The following RBFOX1 variants were observed in gnomAD, a reference collection of about 807,000 sequenced individuals.
RBFOX1 encodes the protein RNA binding protein fox-1 homolog 1.
Under a neutral mutation model 57.7 loss-of-function variants are expected in RBFOX1, and 8 were observed. That is an observed-to-expected ratio of 0.14 (90% CI 0.08 to 0.25). The LOEUF is 0.25. Among genes scored for constraint, RBFOX1 ranks in the 10% least tolerant of loss-of-function variants. The probability of loss-of-function intolerance (pLI) is 1.00; values close to 1 mark genes in which losing one functional copy is unlikely to be tolerated. For missense variants in RBFOX1, 611 were observed against 548.5 expected, an observed-to-expected ratio of 1.11 and a Z score of -1.14; for synonymous variants, 326 against 222.4, an observed-to-expected ratio of 1.47 and a Z score of -4.15.
chr16:6,629,440 A>G (rs1317558231), intron 2 of RBFOX1, among the ~76,000 whole-genome samples: 1 of 152,156 alleles, frequency 6.6e-6, no homozygotes, highest in Non-Finnish European at 1.5e-5. Flanking sequence ...TTTATGTTTT[A>G]TTTTTTAAGT....
intron 2 of RBFOX1, among the ~76,000 whole-genome samples, chr16:6,407,485 T>C (rs2093322771): frequency 6.6e-6 from 1 of 151,712 alleles, no homozygotes; most frequent in African/African-American, 2.4e-5. Context: ...CACACACATA[T>C]ATATAGAGAG....
chr16:5,346,579 G>A (rs2065144759), intron 1 of RBFOX1, among the ~76,000 whole-genome samples: 1 of 152,144 alleles, frequency 6.6e-6, no homozygotes, highest in Admixed American at 6.5e-5. Flanking sequence ...TTGGCTCTTG[G>A]ATTTGTCATT....
intron 3 of RBFOX1, among the ~76,000 whole-genome samples, chr16:6,842,057 G>T (rs554982979): frequency 6.6e-6 from 1 of 151,704 alleles, no homozygotes; most frequent in Admixed American, 6.6e-5. Flanking sequence ...GGAGGAGAAT[G>T]GCGTGAACCC....
chr16:5,558,194 A>G (rs1254255990), intron 2 of RBFOX1, among the ~76,000 whole-genome samples: 1 of 152,170 alleles, frequency 6.6e-6, no homozygotes, highest in Non-Finnish European at 1.5e-5. Flanking sequence ...AGGCTGTCAC[A>G]CTAGCCCCCC....
intron 5 of RBFOX1, among the ~76,000 whole-genome samples, chr16:7,541,625 A>C (rs935922495): frequency 2.0e-5 from 3 of 152,124 alleles, no homozygotes; most frequent in African/African-American, 7.2e-5. Context: ...TTTGTCTTTC[A>C]TCTATTTCTG....
chr16:7,146,060 T>C (rs2074909833), intron 4 of RBFOX1, among the ~76,000 whole-genome samples: 1 of 152,226 alleles, frequency 6.6e-6, no homozygotes, highest in Admixed American at 6.5e-5. Context: ...CCCACTTCTT[T>C]TGACTGTTCC....
chr16:6,633,403 A>G (rs1018807157), intron 2 of RBFOX1, among the ~76,000 whole-genome samples: 11 of 152,082 alleles, frequency 7.2e-5, no homozygotes, highest in Admixed American at 5.2e-4. Flanking sequence ...TCAGCCTCCC[A>G]AGTAGCTGGG....
At chr16:7,328,735 A>T (rs1286313382) in intron 4 of RBFOX1, 2 of 152,110 alleles carry the variant, frequency 1.3e-5, no homozygotes, top group African/African-American at 4.8e-5. Flanking sequence ...AAATGAGCAG[A>T]ACTGGCACCA....
chr16:7,043,787 G>C (rs1305132203), intron 3 of RBFOX1, among the ~76,000 whole-genome samples: 1 of 152,116 alleles, frequency 6.6e-6, no homozygotes, highest in African/African-American at 2.4e-5. Context: ...TCTCTCACCA[G>C]TTCCCTCTTG....
chr16:6,813,311 CG>C (rs1229320316), intron 3 of RBFOX1, among the ~76,000 whole-genome samples: 1 of 152,172 alleles, frequency 6.6e-6, no homozygotes, highest in Non-Finnish European at 1.5e-5. Flanking sequence ...CAACCCTCTT[CG>C]TTTCTAGCCT....
chr16:5,350,103 A>G (rs749968651), intron 1 of RBFOX1, among the ~76,000 whole-genome samples: 11 of 152,218 alleles, frequency 7.2e-5, no homozygotes, highest in Admixed American at 2.6e-4. Flanking sequence ...TTTAATATTC[A>G]AGAAAAATAA....
At chr16:5,892,493 C>T (rs1212569805) in intron 4 of RBFOX1, among the ~76,000 whole-genome samples, 1 of 152,000 alleles carries the variant, frequency 6.6e-6, no homozygotes, top group Non-Finnish European at 1.5e-5. Context: ...AAGTGCTTGG[C>T]TTGTAGTAAG....
intron 4 of RBFOX1, among the ~76,000 whole-genome samples, chr16:7,206,561 C>T (rs1268467697): frequency 6.6e-6 from 1 of 152,004 alleles, no homozygotes; most frequent in Non-Finnish European, 1.5e-5. Flanking sequence ...ACCATTCCCT[C>T]TGCCAATCAT....
At chr16:6,757,647 G>C (rs1411608860) in intron 3 of RBFOX1, among the ~76,000 whole-genome samples, 3 of 152,124 alleles carry the variant, frequency 2.0e-5, no homozygotes, top group African/African-American at 7.2e-5. Flanking sequence ...AGGCTGGGAA[G>C]GGTAGAGAAG....
chr16:6,554,720 A>G (rs959367462), intron 2 of RBFOX1, among the ~76,000 whole-genome samples: 1 of 33,712 alleles, frequency 3.0e-5, no homozygotes, highest in Non-Finnish European at 6.7e-5. Flanking sequence ...CCTCCAGTAG[A>G]CACAGACACA....
intron 4 of RBFOX1, among the ~76,000 whole-genome samples, chr16:7,473,171 G>C (rs2061909574): frequency 6.6e-6 from 1 of 152,018 alleles, no homozygotes; most frequent in Non-Finnish European, 1.5e-5. Flanking sequence ...TTAAGCCCAG[G>C]AGTTTGAGAC....
intron 1 of RBFOX1, among the ~76,000 whole-genome samples, chr16:5,380,246 C>T (rs568021673): frequency 3.3e-5 from 5 of 152,114 alleles, no homozygotes; most frequent in Admixed American, 2.0e-4. Flanking sequence ...TTTGCATGTA[C>T]GGTCGACTTT....
At chr16:6,611,164 G>T (rs976714529) in intron 2 of RBFOX1, among the ~76,000 whole-genome samples, 1 of 152,080 alleles carries the variant, frequency 6.6e-6, no homozygotes, top group Admixed American at 6.6e-5. Context: ...TTTTGAGGGG[G>T]AGGGGACGAA....
At chr16:7,099,380 A>G (rs1191455027) in intron 4 of RBFOX1, among the ~76,000 whole-genome samples, 2 of 152,016 alleles carry the variant, frequency 1.3e-5, no homozygotes, top group African/African-American at 2.4e-5. Flanking sequence ...GTTTTATTTA[A>G]CCCCTCTTTA....
Sources: allele counts gnomAD v4.1 joint callset (sites outside exome capture counted in the v4.1 genomes callset), GRCh38; gene constraint gnomAD v4.1.1; transcripts MANE v1.5; gene names NCBI Gene and HGNC (gene_info 2026-07-23, HGNC 2026-07-21).